OOEP: variants seen among roughly 807,000 people sequenced by gnomAD.
OOEP encodes oocyte-expressed protein homolog.
In OOEP, 16 loss-of-function variants were observed where a neutral mutation model predicts 13.7. That is an observed-to-expected ratio of 1.16 (90% CI 0.79 to 1.77). The LOEUF is 1.77. Ranked by LOEUF, OOEP falls within the 40% of genes most tolerant of loss-of-function variation. The pLI is 0.00. For missense variants in OOEP, 195 were observed against 193.1 expected (o/e 1.01, Z -0.06); for synonymous variants, 89 against 77.1 (o/e 1.15, Z -0.81).
chr6:73,388,315 G>A (rs1249371650), intron 2 of OOEP, among the ~76,000 whole-genome samples: 1 of 115,218 alleles, frequency 8.7e-6, no homozygotes, highest in Non-Finnish European at 1.9e-5. Context: ...CAACATGGAT[G>A]TTTATTATAA....
upstream of OOEP, among the ~76,000 whole-genome samples, chr6:73,370,945 C>T (rs755764523): frequency 7.9e-5 from 12 of 152,038 alleles, no homozygotes; most frequent in Non-Finnish European, 1.6e-4. Flanking sequence ...CCACACCCAG[C>T]TATTTTCCAG....
At chr6:73,385,866 G>A (rs987254213) in intron 2 of OOEP, among the ~76,000 whole-genome samples, 4 of 151,684 alleles carry the variant, frequency 2.6e-5, no homozygotes, top group South Asian at 2.1e-4. Context: ...GATTATGGGC[G>A]TGAGCCACTG....
upstream of OOEP, among the ~76,000 whole-genome samples, chr6:73,372,349 C>T (rs11964811): frequency 0.033 from 5,033 of 152,180 alleles, 252 homozygotes; most frequent in African/African-American, 0.11. Flanking sequence ...CCCCAGCATG[C>T]TGGACACCGT....
intron 2 of OOEP, among the ~76,000 whole-genome samples, chr6:73,381,567 C>A (rs915971409): frequency 6.6e-6 from 1 of 152,160 alleles, no homozygotes; most frequent in Non-Finnish European, 1.5e-5. Context: ...CAGGAACAGA[C>A]ACTACTTTGC....
Position 73,369,774 on chromosome 6 carries a change from C to A in OOEP, c.19G>T (p.Ala7Ser), listed in dbSNP as rs1355411505. 6.2e-7 allele frequency: 1 copy of A among 1,613,550 alleles called. No individual in the cohort carries two copies. The highest frequency in any genetic ancestry group is 8.5e-7 in the Non-Finnish European group (1 of 1,179,686). Residue 7 changes from alanine to serine, a missense_variant, in exon 1 of 3, where the codon GCC (alanine) becomes TCC (serine). Physicochemically the swap from Ala to Ser is moderately conservative, Grantham distance 99 (BLOSUM62 1). Transcript: ENST00000370359. The part of the protein sequence containing the change: MVDDAG[A>S]AESQRGKQTP... ...TGTTTGCCCCGCTGGGACTCAGCGG[C>A]ACCAGCATCATCGACCATACTGGGA...
exon 1 of OOEP, chr6:73,394,793 G>T: frequency 1.4e-6 from 2 of 1,480,440 alleles, no homozygotes; most frequent in Non-Finnish European, 1.8e-6. Context: ...GCCTCGTGCG[G>T]GCTCCTTAAG....
chr6:73,374,719 A>C (rs1380475902), upstream of OOEP, among the ~76,000 whole-genome samples: 1 of 151,588 alleles, frequency 6.6e-6, no homozygotes, highest in African/African-American at 2.4e-5. Context: ...TGCCCAGCCT[A>C]GCCTGGAGTT....
chr6:73,394,295 T>C (rs991845572), intron 2 of OOEP: 8 of 714,044 alleles, frequency 1.1e-5, no homozygotes, highest in East Asian at 1.1e-4. Context: ...GTCAATCTGT[T>C]GTTTCAAGTT....
At chr6:73,395,064 C>T in exon 1 of OOEP, 1 of 1,613,612 alleles carries the variant, frequency 6.2e-7, no homozygotes, top group Non-Finnish European at 8.5e-7. Flanking sequence ...GCTGGAGAGG[C>T]ACCTCTAGGC....
chr6:73,377,200 G>A (rs780866235), intron 2 of OOEP, among the ~76,000 whole-genome samples: 16 of 152,178 alleles, frequency 1.1e-4, no homozygotes, highest in Non-Finnish European at 2.2e-4. Flanking sequence ...GCACATCCAA[G>A]GAAGTTTCTA....
chr6:73,382,998 G>A (rs1334772037), intron 2 of OOEP, among the ~76,000 whole-genome samples: 4 of 151,576 alleles, frequency 2.6e-5, no homozygotes, highest in South Asian at 4.2e-4. Flanking sequence ...CACCATGCAC[G>A]TCTAATTTTT....
chr6:73,381,565 GAC>G (rs1171913129), intron 2 of OOEP, among the ~76,000 whole-genome samples: 5 of 152,216 alleles, frequency 3.3e-5, no homozygotes, highest in African/African-American at 1.2e-4. Flanking sequence ...AGCAGGAACA[GAC>G]ACTACTTTGC....
At chr6:73,382,312 G>A (rs1187875262) in intron 2 of OOEP, among the ~76,000 whole-genome samples, 1 of 149,030 alleles carries the variant, frequency 6.7e-6, no homozygotes, top group Non-Finnish European at 1.5e-5. Flanking sequence ...CCGCCTCCTG[G>A]GTTCAAGTGA....
rs1232652253 is a variant in OOEP at position 73,369,604 on chromosome 6, A to G, written c.189T>C (p.Phe63=). 6.2e-7 allele frequency: 1 copy of G among 1,613,330 alleles called. No individual in the cohort carries two copies. Among genetic ancestry groups the G allele is most frequent in the Non-Finnish European group, 8.5e-7 (1 of 1,179,330 alleles). The change falls in exon 1 of 3, where the codon TTT becomes TTC. Residue 63 remains phenylalanine, a splice_region_variant and synonymous_variant. Coordinates refer to ENST00000370359, the MANE Select transcript of OOEP (RefSeq NM_001080507.3). ...YLEAWLADEL[F]GPDRAIIPEM... is the part of the protein sequence containing the mutation. ...ACTAGCACACCTGGGGTCGCTCACC[A>G]AAGAGCTCGTCTGCCAGCCATGCCT...
At chr6:73,371,852 C>G (rs1399825451), upstream of OOEP, among the ~76,000 whole-genome samples, 1 of 152,170 alleles carries the variant, frequency 6.6e-6, no homozygotes, top group Non-Finnish European at 1.5e-5. Context: ...TGCTTGAACC[C>G]CAGAGGCAGA....
chr6:73,373,356 A>T, upstream of OOEP: 1 of 1,288,616 alleles, frequency 7.8e-7, no homozygotes, highest in Non-Finnish European at 1.1e-6. Context: ...ACAGGGTCTC[A>T]CTCTGTCACC....
chr6:73,387,014 G>A (rs1769283080), intron 2 of OOEP, among the ~76,000 whole-genome samples: 2 of 135,490 alleles, frequency 1.5e-5, no homozygotes, highest in South Asian at 4.7e-4. Context: ...GAACAGCAGA[G>A]CTCAATGAAA....
exon 1 of OOEP, chr6:73,394,845 T>C: frequency 1.9e-6 from 3 of 1,582,590 alleles, no homozygotes; most frequent in Non-Finnish European, 2.6e-6. Flanking sequence ...TCTTACGACG[T>C]CACGGTCAGG....
chr6:73,379,854 C>T (rs1008749228), intron 2 of OOEP, among the ~76,000 whole-genome samples: 9 of 152,164 alleles, frequency 5.9e-5, no homozygotes, highest in African/African-American at 2.2e-4. Context: ...TCTGAAAGTG[C>T]TGGGATTACA....
Sources: gnomAD v4.1 joint callset for allele counts (sites outside exome capture counted in the v4.1 genomes callset) on GRCh38, gnomAD v4.1.1 for gene constraint, MANE v1.5 for transcripts, NCBI Gene and HGNC (gene_info 2026-07-23, HGNC 2026-07-21) for gene names.